Variants in FBXO17 observed in about 807,000 individuals in gnomAD.
FBXO17 encodes the protein F-box protein 17.
FBXO17 carries 43 observed loss-of-function variants against 34.1 expected under a neutral mutation model. The observed-to-expected ratio is 1.26, with a 90% CI of 0.99 to 1.62. The LOEUF is 1.62. FBXO17 is among the 40% of genes most tolerant of loss of function. The pLI is 0.00. For synonymous variants in FBXO17, 169 were observed against 166.0 expected, an observed-to-expected ratio of 1.02 and a Z score of -0.14; for missense variants, 424 against 386.7, an observed-to-expected ratio of 1.10 and a Z score of -0.81.
intron 1 of FBXO17, among the ~76,000 whole-genome samples, chr19:38,961,004 C>T (rs991668965): frequency 5.9e-5 from 9 of 151,348 alleles, no homozygotes; most frequent in Non-Finnish European, 1.0e-4. Context: ...GACGGGGTTT[C>T]ACTGTGTTGG....
intron 1 of FBXO17, among the ~76,000 whole-genome samples, chr19:38,962,052 A>G (rs1359276361): frequency 6.9e-6 from 1 of 145,022 alleles, no homozygotes; most frequent in Non-Finnish European, 1.5e-5. Flanking sequence ...CTACGACCTC[A>G]TTGTTCTAAG....
intron 1 of FBXO17, among the ~76,000 whole-genome samples, chr19:38,969,799 C>T (rs1016696130): frequency 4.6e-5 from 7 of 151,958 alleles, no homozygotes; most frequent in African/African-American, 2.4e-5. Context: ...GGTTTCACCA[C>T]GTTGGCCAGG....
At chr19:38,944,770 AT>A in intron 5 of FBXO17, 198 bp downstream of exon 5, 1 of 709,290 alleles carries the variant, frequency 1.4e-6, no homozygotes, top group Non-Finnish European at 2.3e-6. Flanking sequence ...TTTGTTGAAC[AT>A]TAAGGGGTTT....
intron 1 of FBXO17, 99 bp from the exon 2 acceptor site, chr19:38,950,435 C>G (rs2144817745): frequency 1.5e-6 from 2 of 1,358,308 alleles, no homozygotes; most frequent in Non-Finnish European, 1.9e-6. Flanking sequence ...CTCGAGAGAC[C>G]CCATTAGGTC....
chr19:38,946,325 G>T, intron 4 of FBXO17, 147 bp downstream of exon 4: 1 of 1,329,924 alleles, frequency 7.5e-7, no homozygotes, highest in Non-Finnish European at 1.0e-6. Context: ...CCCCGGCTCT[G>T]CATCACTTCC....
chr19:38,959,192 G>A (rs62119047), intron 1 of FBXO17, among the ~76,000 whole-genome samples: 5,899 of 148,662 alleles, frequency 0.04, 167 homozygotes, highest in Admixed American at 0.08. Context: ...TTATAGGTAG[G>A]AGCCACTGTG....
chr19:38,945,135 C>A lies in FBXO17; in HGVS notation c.558-31G>T, dbSNP rs886239714. 4.3e-6 allele frequency: 7 copies of A among 1,612,068 alleles called. No homozygotes were observed. In the African/African-American group the frequency reaches 6.7e-5, roughly 15 times the overall value. ...AGGCAGCAGTCAGCCTCTATGCCCC[C>A]GTCACCCAGCCAGCTCTCTGGGTTT... On this transcript the variant is annotated intron_variant, in intron 4 of 5. Coordinates refer to ENST00000292852, the MANE Select transcript of FBXO17 (RefSeq NM_024907.7).
intron 5 of FBXO17, 104 bp from the exon 6 acceptor site, chr19:38,942,855 T>G: frequency 8.5e-7 from 1 of 1,170,698 alleles, no homozygotes; most frequent in Non-Finnish European, 1.1e-6. Flanking sequence ...AGTCCTGCGC[T>G]AGTTTGCTGG....
At chr19:38,963,933 G>A (rs540878898) in intron 1 of FBXO17, among the ~76,000 whole-genome samples, 9 of 151,748 alleles carry the variant, frequency 5.9e-5, no homozygotes, top group East Asian at 5.9e-4. Context: ...ACAGGTGTGC[G>A]CCACCACACC....
chr19:38,964,029 C>T (rs1480232005), intron 1 of FBXO17, among the ~76,000 whole-genome samples: 1 of 152,130 alleles, frequency 6.6e-6, no homozygotes, highest in Non-Finnish European at 1.5e-5. Context: ...AGTGATCTGC[C>T]TGCCTCGGCT....
In FBXO17 at chr19:38,947,762, A is replaced by G. The variant is rs539872450; in HGVS notation, c.461+805T>C. 2.0e-5 allele frequency among the ~76,000 whole-genome samples: 3 copies of G among 152,012 alleles called. No individual in the cohort carries two copies. In the South Asian group the frequency reaches 6.2e-4, roughly 32 times the overall value. Reference sequence around the variant, plus strand: ...TGCCAGGCTGGAGTGCAGTGGCATGATCCTAGGCTCACTGCAACCTCAAAC... The same window carrying G: ...TGCCAGGCTGGAGTGCAGTGGCATGGTCCTAGGCTCACTGCAACCTCAAAC... On this transcript the variant is annotated intron_variant, in intron 3 of 5. Transcript: ENST00000292852.
chr19:38,946,345 C>G, intron 4 of FBXO17, 127 bp downstream of exon 4: 1 of 1,450,994 alleles, frequency 6.9e-7, no homozygotes, highest in Non-Finnish European at 9.3e-7. Context: ...CCCTCTCAGC[C>G]TCATCACAAA....
intron 1 of FBXO17, among the ~76,000 whole-genome samples, chr19:38,974,049 C>A: frequency 6.9e-6 from 1 of 145,402 alleles, no homozygotes; most frequent in African/African-American, 2.5e-5. Flanking sequence ...TATATATACA[C>A]ATATATATAC....
chr19:38,948,352 G>A (rs1406490049), intron 3 of FBXO17, among the ~76,000 whole-genome samples: 3 of 152,238 alleles, frequency 2.0e-5, no homozygotes, highest in Admixed American at 2.0e-4. Context: ...GAGCATTGCT[G>A]CCTGTGGTTG....
chr19:38,949,124 G>A lies in FBXO17; in HGVS notation c.350-446C>T, dbSNP rs146071197. Reference sequence around the variant, plus strand: ...TAATTTTTTAATTTTTTTTTGAGATGGAGTTTCAATCTTGCTGCCCAGGCT... The same window carrying A: ...TAATTTTTTAATTTTTTTTTGAGATAGAGTTTCAATCTTGCTGCCCAGGCT... On this transcript the variant is annotated intron_variant, in intron 2 of 5. Coordinates refer to ENST00000292852, the MANE Select transcript of FBXO17 (RefSeq NM_024907.7). Among the ~76,000 whole-genome samples the A allele has an allele frequency of 1.4e-4, 21 of 151,840 alleles. No homozygotes were observed. In the East Asian group the frequency reaches 4.1e-3, roughly 29 times the overall value.
At chr19:38,972,029 G>T (rs1424184750) in intron 1 of FBXO17, among the ~76,000 whole-genome samples, 1 of 152,140 alleles carries the variant, frequency 6.6e-6, no homozygotes, top group Non-Finnish European at 1.5e-5. Context: ...GAGGATGACA[G>T]CAACGTGCCC....
At chr19:38,944,145 G>A (rs993239313) in intron 5 of FBXO17, among the ~76,000 whole-genome samples, 4 of 152,066 alleles carry the variant, frequency 2.6e-5, no homozygotes, top group South Asian at 2.1e-4. Flanking sequence ...GTTTATCCAC[G>A]TTGCAGTGTG....
intron 3 of FBXO17, among the ~76,000 whole-genome samples, chr19:38,947,854 G>A (rs975114645): frequency 4.6e-5 from 7 of 151,896 alleles, no homozygotes; most frequent in Non-Finnish European, 7.4e-5. Flanking sequence ...ATGAGCCACC[G>A]TGCCCGGCCT....
At chr19:38,973,013 G>C (rs1298488870) in intron 1 of FBXO17, among the ~76,000 whole-genome samples, 1 of 152,142 alleles carries the variant, frequency 6.6e-6, no homozygotes, top group Admixed American at 6.5e-5. Context: ...GGCATTACAG[G>C]CATAAGTCAC....
Sources: gnomAD v4.1 joint callset for allele counts (sites outside exome capture counted in the v4.1 genomes callset) on GRCh38, gnomAD v4.1.1 for gene constraint, MANE v1.5 for transcripts, NCBI Gene and HGNC (gene_info 2026-07-23, HGNC 2026-07-21) for gene names.